Variants in OTOGL observed in about 807,000 individuals in gnomAD.
OTOGL encodes the protein otogelin like, also known as otogelin-like protein.
OTOGL carries 285 observed loss-of-function variants against 318.5 expected under a neutral mutation model. The ratio of observed to expected loss-of-function variants is 0.89; its 90% CI spans 0.81 to 0.99. The LOEUF is 0.99. Among genes scored for constraint, OTOGL ranks in the 50% least tolerant of loss-of-function variants. OTOGL has a pLI of 0.00. For missense variants in OTOGL, 2,899 were observed against 2,845.6 expected, an observed-to-expected ratio of 1.02 and a Z score of -0.43; for synonymous variants, 987 against 936.5, an observed-to-expected ratio of 1.05 and a Z score of -0.99.
At chr12:80,307,660 G>A (rs1432449618) in intron 29 of OTOGL, among the ~76,000 whole-genome samples, 2 of 144,242 alleles carry the variant, frequency 1.4e-5, no homozygotes, top group South Asian at 2.2e-4. Context: ...GCCGGGCAGA[G>A]TGGCTCCTCA....
chr12:80,129,648 T>A (rs926223085), intron 1 of OTOGL, among the ~76,000 whole-genome samples: 1 of 152,210 alleles, frequency 6.6e-6, no homozygotes, highest in Non-Finnish European at 1.5e-5. Flanking sequence ...TTCTGAACTT[T>A]CCTAAAATAC....
intron 1 of OTOGL, among the ~76,000 whole-genome samples, chr12:80,176,471 A>G (rs1227026289): frequency 1.3e-5 from 2 of 151,964 alleles, no homozygotes; most frequent in Non-Finnish European, 2.9e-5. Flanking sequence ...ATTAGTTTGC[A>G]TTTTCTAGGA....
At chr12:80,295,457 G>A (rs921352485) in intron 26 of OTOGL, among the ~76,000 whole-genome samples, 14 of 152,126 alleles carry the variant, frequency 9.2e-5, no homozygotes, top group East Asian at 1.9e-4. Flanking sequence ...GATTACAGGC[G>A]TGAGCCACCG....
intron 1 of OTOGL, among the ~76,000 whole-genome samples, chr12:80,152,189 C>T (rs1872828285): frequency 6.6e-6 from 1 of 151,744 alleles, no homozygotes; most frequent in African/African-American, 2.4e-5. Context: ...CAGAGAGGAG[C>T]ACTGAAAGGA....
chr12:80,217,256 G>A (rs1877822125), intron 4 of OTOGL, among the ~76,000 whole-genome samples: 1 of 152,130 alleles, frequency 6.6e-6, no homozygotes, highest in Admixed American at 6.5e-5. Context: ...TCATGAGGTT[G>A]CGAGGTGGGT....
chr12:80,363,708 A>G (rs1391813422), intron 52 of OTOGL, among the ~76,000 whole-genome samples: 1 of 152,144 alleles, frequency 6.6e-6, no homozygotes, highest in Non-Finnish European at 1.5e-5. Context: ...AGCCTCATTC[A>G]GAGCTCCTCT....
intron 1 of OTOGL, among the ~76,000 whole-genome samples, chr12:80,101,168 T>A (rs1176285075): frequency 6.6e-6 from 1 of 152,186 alleles, no homozygotes; most frequent in Non-Finnish European, 1.5e-5. Flanking sequence ...CTGCAGAATC[T>A]CTTGCTTTTT....
Position 80,225,798 on chromosome 12 carries a change from T to G in OTOGL, c.490-3459T>G, listed in dbSNP as rs573028507. 3.9e-4 allele frequency among the ~76,000 whole-genome samples: 59 copies of G among 152,264 alleles called. 2 individuals are homozygous for G. The South Asian group carries it at 0.01, about 26-fold the overall frequency. On this transcript the variant is annotated intron_variant, in intron 7 of 58. Coordinates refer to ENST00000547103, the MANE Select transcript of OTOGL (RefSeq NM_001378609.3). ...TTAATGATGTCCTATATTGGAAATTTAGATTTTTTTAAAATAGAATTTCAA... is the reference window on the plus strand; with the variant it reads ...TTAATGATGTCCTATATTGGAAATTGAGATTTTTTTAAAATAGAATTTCAA...
intron 1 of OTOGL, among the ~76,000 whole-genome samples, chr12:80,184,646 C>T (rs964888743): frequency 6.6e-6 from 1 of 151,998 alleles, no homozygotes; most frequent in Non-Finnish European, 1.5e-5. Context: ...TGAGTGGGCC[C>T]CTGTTGCCCA....
chr12:80,235,383 T>A (rs1255891209), intron 9 of OTOGL, among the ~76,000 whole-genome samples: 2 of 148,540 alleles, frequency 1.3e-5, no homozygotes, highest in South Asian at 2.1e-4. Flanking sequence ...GAGAATTGCT[T>A]GAACATGGGA....
chr12:80,212,626 A>C (rs1877353773), intron 4 of OTOGL, among the ~76,000 whole-genome samples: 2 of 152,102 alleles, frequency 1.3e-5, no homozygotes, highest in African/African-American at 4.8e-5. Flanking sequence ...TCTCTATAAA[A>C]GATGGATGGT....
chr12:80,252,283 G>A (rs1881639353), intron 13 of OTOGL, 82 bp downstream of exon 13: 1 of 1,408,700 alleles, frequency 7.1e-7, no homozygotes, highest in Non-Finnish European at 9.4e-7. Flanking sequence ...TCGTTTTGCT[G>A]TCCTTTCCCA....
intron 1 of OTOGL, among the ~76,000 whole-genome samples, chr12:80,140,933 C>A (rs1871894027): frequency 6.6e-6 from 1 of 152,022 alleles, no homozygotes; most frequent in African/African-American, 2.4e-5. Context: ...AGAATAACTT[C>A]TTTATGTTCA....
intron 27 of OTOGL, among the ~76,000 whole-genome samples, chr12:80,297,277 C>T (rs954592718): frequency 2.6e-5 from 4 of 151,860 alleles, no homozygotes; most frequent in Non-Finnish European, 5.9e-5. Context: ...TTTAGTCTTT[C>T]CCCTCTTATT....
intron 9 of OTOGL, 51 bp downstream of exon 9, chr12:80,233,148 C>CCCTG: frequency 6.8e-7 from 1 of 1,460,224 alleles, no homozygotes; most frequent in Non-Finnish European, 9.2e-7. Context: ...CTTCTTCTTC[C>CCCTG]CCTGACCAAG....
chr12:80,191,335 G>A (rs1875684269), intron 1 of OTOGL, among the ~76,000 whole-genome samples: 1 of 152,298 alleles, frequency 6.6e-6, no homozygotes, highest in East Asian at 1.9e-4. Flanking sequence ...CTACTCGGGA[G>A]GCTGAGACAG....
chr12:80,183,685 G>C (rs78272845), intron 1 of OTOGL, among the ~76,000 whole-genome samples: 3 of 152,278 alleles, frequency 2.0e-5, no homozygotes, highest in East Asian at 3.9e-4. Context: ...ATGAGCTTTA[G>C]AGCATCAAGA....
At chr12:80,148,413 C>T (rs1301024068) in intron 1 of OTOGL, among the ~76,000 whole-genome samples, 11 of 149,716 alleles carry the variant, frequency 7.3e-5, no homozygotes, top group African/African-American at 1.2e-4. Context: ...GGGTTTCTGC[C>T]GAGAGATCCG....
chr12:80,198,013 T>C (rs908944310), intron 1 of OTOGL, among the ~76,000 whole-genome samples: 2 of 152,246 alleles, frequency 1.3e-5, no homozygotes, highest in Non-Finnish European at 2.9e-5. Flanking sequence ...AAGCTGATTA[T>C]TATATATTCC....
Sources: allele counts gnomAD v4.1 joint callset (sites outside exome capture counted in the v4.1 genomes callset), GRCh38; gene constraint gnomAD v4.1.1; transcripts MANE v1.5; gene names NCBI Gene and HGNC (gene_info 2026-07-23, HGNC 2026-07-21).